The following ADAMTSL1 variants were observed in gnomAD, a reference collection of about 807,000 sequenced individuals.
ADAMTSL1 encodes ADAMTS-like protein 1.
In ADAMTSL1, 126 loss-of-function variants were observed where a neutral mutation model predicts 201.8. The ratio of observed to expected loss-of-function variants is 0.62; its 90% confidence interval spans 0.54 to 0.72. ADAMTSL1 has a LOEUF of 0.72. Ranked by LOEUF, ADAMTSL1 falls within the 30% of genes least tolerant of loss-of-function variation. The pLI, the probability that ADAMTSL1 is intolerant of heterozygous loss-of-function variation, is 0.00. For synonymous variants in ADAMTSL1, 1,121 were observed against 903.4 expected (o/e 1.24, Z -4.32); for missense variants, 2,679 against 2,277.8 (o/e 1.18, Z -3.59).
chr9:18,680,201 C>T (rs996967886), intron 10 of ADAMTSL1, 111 bp from the exon 11 acceptor site: 172 of 1,124,768 alleles, frequency 1.5e-4, no homozygotes, highest in Non-Finnish European at 2.0e-4. Context: ...GGACCTTAGC[C>T]TCTCAGAACC....
intron 1 of ADAMTSL1, among the ~76,000 whole-genome samples, chr9:18,138,836 G>A: frequency 6.6e-6 from 1 of 152,114 alleles, no homozygotes; most frequent in East Asian, 1.9e-4. Flanking sequence ...TCAAGACCAA[G>A]ATCTAACGCT....
At chr9:18,828,694 A>ATATAT (rs1554643970) in intron 22 of ADAMTSL1, among the ~76,000 whole-genome samples, 1 of 51,770 alleles carries the variant, frequency 1.9e-5, no homozygotes, top group Non-Finnish European at 3.5e-5. Flanking sequence ...ATATATATAT[A>ATATAT]AAATGTGTGT....
intron 2 of ADAMTSL1, among the ~76,000 whole-genome samples, chr9:18,335,451 A>C (rs994958421): frequency 6.6e-6 from 1 of 152,082 alleles, no homozygotes; most frequent in East Asian, 1.9e-4. Context: ...TGGGGAGGCA[A>C]TATATCACAA....
In ADAMTSL1 at chr9:18,094,405, A is replaced by G. The variant is rs79065703; in HGVS notation, c.88-69457A>G. On this transcript the variant is annotated intron_variant, in intron 1 of 29. Coordinates refer to the ADAMTSL1 transcript ENST00000680146. Reference sequence around the variant, plus strand: ...TGAACTTCTCAGTTATGTGTGTAGTATTACAGTTGTCTGCCCTCTTTCTTC... The same window carrying G: ...TGAACTTCTCAGTTATGTGTGTAGTGTTACAGTTGTCTGCCCTCTTTCTTC... Among the ~76,000 whole-genome samples, 1,461 of 152,258 alleles carry G rather than the reference A, an allele frequency of 9.6e-3. 22 individuals carry two copies. The highest frequency in any genetic ancestry group is 0.033 in the African/African-American group (1,376 of 41,534).
At chr9:18,765,853 G>A (rs1322805134) in intron 16 of ADAMTSL1, among the ~76,000 whole-genome samples, 1 of 152,186 alleles carries the variant, frequency 6.6e-6, no homozygotes, top group East Asian at 1.9e-4. Flanking sequence ...TGAGGTAATG[G>A]TGATAGAGAC....
chr9:18,070,447 G>A (rs942664276), intron 1 of ADAMTSL1, among the ~76,000 whole-genome samples: 11 of 152,166 alleles, frequency 7.2e-5, no homozygotes, highest in South Asian at 2.1e-4. Context: ...GCCTGGGGAC[G>A]GAATGTGAAA....
chr9:18,786,670 G>A (rs1821725736), intron 19 of ADAMTSL1, among the ~76,000 whole-genome samples: 1 of 152,174 alleles, frequency 6.6e-6, no homozygotes, highest in South Asian at 2.1e-4. Context: ...AAACTAAGAA[G>A]CTTCACTCTT....
chr9:18,699,570 T>C (rs1240311881), intron 13 of ADAMTSL1, among the ~76,000 whole-genome samples: 2 of 152,272 alleles, frequency 1.3e-5, no homozygotes, highest in African/African-American at 4.8e-5. Context: ...CCTCAAGTGA[T>C]CTTCCTGCCT....
At chr9:18,453,211 G>T (rs983231501) in intron 2 of ADAMTSL1, among the ~76,000 whole-genome samples, 6 of 152,122 alleles carry the variant, frequency 3.9e-5, no homozygotes, top group Non-Finnish European at 7.4e-5. Flanking sequence ...CTATAGCAAG[G>T]GTGGATGAGG....
chr9:18,070,963 C>T (rs1586982498), intron 1 of ADAMTSL1, among the ~76,000 whole-genome samples: 1 of 152,130 alleles, frequency 6.6e-6, no homozygotes, highest in South Asian at 2.1e-4. Flanking sequence ...GGTTTAGGAT[C>T]AGGTTCATGC....
chr9:18,363,383 G>A (rs751591093), intron 2 of ADAMTSL1, among the ~76,000 whole-genome samples: 14 of 152,168 alleles, frequency 9.2e-5, no homozygotes, highest in East Asian at 1.9e-4. Context: ...GCCGACAAGC[G>A]TATACAGGAT....
chr9:18,196,625 C>A (rs1479913322), intron 2 of ADAMTSL1, among the ~76,000 whole-genome samples: 1 of 152,028 alleles, frequency 6.6e-6, no homozygotes, highest in Non-Finnish European at 1.5e-5. Context: ...CTCTTCAAAC[C>A]CGATCATCTA....
At chr9:18,766,060 A>G (rs1007215053) in intron 16 of ADAMTSL1, among the ~76,000 whole-genome samples, 11 of 152,084 alleles carry the variant, frequency 7.2e-5, no homozygotes, top group Admixed American at 7.2e-4. Flanking sequence ...ACAACAAAAA[A>G]AAAGTCTGGC....
chr9:18,121,497 A>G (rs570028058), intron 1 of ADAMTSL1, among the ~76,000 whole-genome samples: 10 of 152,298 alleles, frequency 6.6e-5, no homozygotes, highest in African/African-American at 2.2e-4. Flanking sequence ...AGCCATCGAA[A>G]TGTATTTTTC....
intron 2 of ADAMTSL1, among the ~76,000 whole-genome samples, chr9:18,311,859 G>C (rs1384650481): frequency 6.6e-6 from 1 of 152,124 alleles, no homozygotes; most frequent in Non-Finnish European, 1.5e-5. Flanking sequence ...TCTGCCCACA[G>C]TGGTCTAGAG....
rs76450883 is a variant in ADAMTSL1, at chr9:18,262,164, T to A, written c.207+98183T>A. On this transcript the variant is annotated intron_variant, in intron 2 of 29. Transcript: ENST00000680146. ...TAGATAAATCTTACCAGAGTGAGGG[T>A]CACAAATTTAAATATTTTCAGAGCC... 9.5e-3 allele frequency among the ~76,000 whole-genome samples: 1,447 copies of A among 152,172 alleles called. 24 individuals carry two copies. The highest frequency in any genetic ancestry group is 0.034 in the African/African-American group (1,396 of 41,524).
intron 2 of ADAMTSL1, among the ~76,000 whole-genome samples, chr9:18,265,917 A>G (rs187736162): frequency 1.3e-5 from 2 of 152,242 alleles, no homozygotes; most frequent in Admixed American, 1.3e-4. Flanking sequence ...CAATATTGTG[A>G]AAGTTAGACC....
chr9:18,516,830 A>C (rs752138451), intron 2 of ADAMTSL1, among the ~76,000 whole-genome samples: 5 of 152,242 alleles, frequency 3.3e-5, no homozygotes, highest in Non-Finnish European at 7.3e-5. Context: ...ATATGCAGTC[A>C]AGCCCATTTT....
At chr9:18,122,370 G>C (rs1190798425) in intron 1 of ADAMTSL1, among the ~76,000 whole-genome samples, 1 of 152,178 alleles carries the variant, frequency 6.6e-6, no homozygotes, top group Admixed American at 6.6e-5. Flanking sequence ...CCAGATGGTA[G>C]AGTCAAGAGT....
Sources: allele counts gnomAD v4.1 joint callset (sites outside exome capture counted in the v4.1 genomes callset), GRCh38; gene constraint gnomAD v4.1.1; transcripts MANE v1.5; gene names NCBI Gene and HGNC (gene_info 2026-07-23, HGNC 2026-07-21).